Variants in PPP2R2B observed in about 807,000 individuals in gnomAD.
PPP2R2B encodes the protein protein phosphatase 2 regulatory subunit Bbeta, also known as serine/threonine-protein phosphatase 2A 55 kDa regulatory subunit B beta isoform.
In PPP2R2B, 5 loss-of-function variants were observed where a neutral mutation model predicts 46.0. The ratio of observed to expected loss-of-function variants is 0.11; its 90% CI spans 0.06 to 0.23. The LOEUF is 0.23. Among genes scored for constraint, PPP2R2B ranks in the 10% least tolerant of loss-of-function variants. The pLI, the probability that PPP2R2B is intolerant of heterozygous loss-of-function variation, is 1.00. For synonymous variants in PPP2R2B, 215 were observed against 206.7 expected (o/e 1.04, Z -0.34); for missense variants, 367 against 575.0 (o/e 0.64, Z 3.70).
At chr5:146,740,572 A>ATC (rs1432809035) in intron 2 of PPP2R2B, among the ~76,000 whole-genome samples, 4 of 91,754 alleles carry the variant, frequency 4.4e-5, no homozygotes, top group East Asian at 3.0e-4. Context: ...TTAAAATGAG[A>ATC]TCACACACAC....
intron 2 of PPP2R2B, among the ~76,000 whole-genome samples, chr5:147,069,345 CT>C (rs1435486340): frequency 1.3e-5 from 2 of 152,180 alleles, no homozygotes; most frequent in Non-Finnish European, 2.9e-5. Flanking sequence ...GATTACGTTA[CT>C]GAAAATTCTC....
intron 2 of PPP2R2B, among the ~76,000 whole-genome samples, chr5:146,862,767 T>C (rs1044529888): frequency 6.6e-6 from 1 of 150,564 alleles, no homozygotes; most frequent in African/African-American, 2.4e-5. Flanking sequence ...AAGTAAATTT[T>C]TTTTTTTTTT....
At chr5:146,718,664 C>A (rs1238650973) in intron 2 of PPP2R2B, among the ~76,000 whole-genome samples, 2 of 152,174 alleles carry the variant, frequency 1.3e-5, no homozygotes, top group African/African-American at 4.8e-5. Flanking sequence ...AATTCCAGCC[C>A]TTGTCTAAAC....
At position 146,595,829 on chromosome 5, in the gene PPP2R2B, G is replaced by A. The variant is rs79015313; in HGVS notation, c.961-2767C>T. On this transcript the variant is annotated intron_variant, in intron 8 of 9. Transcript: ENST00000394411. ...TTGATGTTCTTTCTTCATGTTCCTA[G>A]TATGACTTTTCTATGATCCTATTAA... Among the ~76,000 whole-genome samples the A allele has an allele frequency of 1.5e-3, 229 of 152,296 alleles. 1 individual carries two copies. In the South Asian group the frequency reaches 0.031, roughly 20 times the overall value.
chr5:147,053,927 T>C (rs10064754), intron 1 of PPP2R2B, among the ~76,000 whole-genome samples: 2,828 of 152,298 alleles, frequency 0.019, 92 homozygotes, highest in African/African-American at 0.065. Context: ...TCCTCCACGA[T>C]GTTAATGTTT....
intron 1 of PPP2R2B, among the ~76,000 whole-genome samples, chr5:146,954,426 T>C (rs1184399283): frequency 6.6e-6 from 1 of 152,056 alleles, no homozygotes; most frequent in Admixed American, 6.6e-5. Context: ...AACCAAACAT[T>C]GAATGTTCTC....
chr5:146,682,891 C>A (rs1186294409), intron 5 of PPP2R2B, among the ~76,000 whole-genome samples: 1 of 152,194 alleles, frequency 6.6e-6, no homozygotes, highest in Non-Finnish European at 1.5e-5. Flanking sequence ...TGTCCTCAGA[C>A]TGATCTATAC....
At chr5:146,806,133 C>T (rs1338695868) in intron 2 of PPP2R2B, among the ~76,000 whole-genome samples, 1 of 152,052 alleles carries the variant, frequency 6.6e-6, no homozygotes, top group Admixed American at 6.5e-5. Context: ...TATGAAGAAG[C>T]TAGGGAGACA....
chr5:146,896,117 C>T (rs955280342), intron 1 of PPP2R2B, among the ~76,000 whole-genome samples: 4 of 152,072 alleles, frequency 2.6e-5, no homozygotes, highest in South Asian at 2.1e-4. Flanking sequence ...TGGAGTTACA[C>T]AAACTTTGAT....
chr5:146,926,779 G>A (rs1484199883), intron 1 of PPP2R2B, among the ~76,000 whole-genome samples: 1 of 152,094 alleles, frequency 6.6e-6, no homozygotes, highest in Non-Finnish European at 1.5e-5. Flanking sequence ...CATGCATTGA[G>A]ACTTTGGGTA....
chr5:146,852,791 G>A (rs1393992362), intron 2 of PPP2R2B, among the ~76,000 whole-genome samples: 3 of 152,050 alleles, frequency 2.0e-5, no homozygotes, highest in Non-Finnish European at 4.4e-5. Flanking sequence ...ATAAATGCAG[G>A]GAGCACATTG....
chr5:146,764,800 C>CGAGAGAGAGAGAGAGAGA (rs67810307), intron 2 of PPP2R2B, among the ~76,000 whole-genome samples: 23 of 149,940 alleles, frequency 1.5e-4, no homozygotes, highest in African/African-American at 5.6e-4. Context: ...ATCTCTATCC[C>CGAGAGAGAGAGAGAGAGA]GAGAGAGAGA....
chr5:146,856,449 T>C, intron 2 of PPP2R2B: 1 of 1,400,090 alleles, frequency 7.1e-7, no homozygotes, highest in Non-Finnish European at 1.0e-6. Flanking sequence ...TTAACACTTC[T>C]ATACTGCTAC....
intron 1 of PPP2R2B, among the ~76,000 whole-genome samples, chr5:146,988,455 C>T (rs1224992957): frequency 6.6e-6 from 1 of 151,654 alleles, no homozygotes; most frequent in Non-Finnish European, 1.5e-5. Flanking sequence ...AGAACAATAA[C>T]AAGAAGAAAT....
chr5:146,926,322 C>T (rs1008642292), intron 1 of PPP2R2B, among the ~76,000 whole-genome samples: 7 of 151,944 alleles, frequency 4.6e-5, no homozygotes, highest in East Asian at 1.9e-4. Context: ...AATCTGTTTC[C>T]CCTAGGCTAC....
chr5:146,632,579 A>C (rs1774514999), intron 7 of PPP2R2B, among the ~76,000 whole-genome samples: 1 of 152,110 alleles, frequency 6.6e-6, no homozygotes, highest in African/African-American at 2.4e-5. Flanking sequence ...TGTCTTCATA[A>C]AGATTGTATT....
intron 1 of PPP2R2B, among the ~76,000 whole-genome samples, chr5:147,023,631 A>T (rs182202317): frequency 6.6e-6 from 1 of 152,306 alleles, no homozygotes; most frequent in African/African-American, 2.4e-5. Context: ...CCAAAATGGG[A>T]CAATTCATAC....
At chr5:146,954,752 A>G (rs754045543) in intron 1 of PPP2R2B, among the ~76,000 whole-genome samples, 30 of 99,884 alleles carry the variant, frequency 3.0e-4, no homozygotes, top group Non-Finnish European at 4.6e-4. Flanking sequence ...GAATATGTGT[A>G]TATATGTGTG....
intron 2 of PPP2R2B, among the ~76,000 whole-genome samples, chr5:147,068,477 AT>A (rs745970572): frequency 6.6e-6 from 1 of 152,200 alleles, no homozygotes; most frequent in Non-Finnish European, 1.5e-5. Flanking sequence ...GTGAAAAAAA[AT>A]GTAAGTTTTT....
Sources: allele counts gnomAD v4.1 joint callset (sites outside exome capture counted in the v4.1 genomes callset), GRCh38; gene constraint gnomAD v4.1.1; transcripts MANE v1.5; gene names NCBI Gene and HGNC (gene_info 2026-07-23, HGNC 2026-07-21).